The following SOS2 variants were observed in gnomAD, a reference collection of about 807,000 sequenced individuals.
SOS2 encodes the protein son of sevenless homolog 2.
A neutral mutation model predicts 148.2 loss-of-function variants in SOS2; 65 were observed. The observed-to-expected ratio is 0.44, with a 90% CI of 0.36 to 0.54. SOS2 has a LOEUF of 0.54. SOS2 is among the 20% of genes least tolerant of loss of function. The pLI is 0.00. For missense variants in SOS2, 1,341 were observed against 1,590.2 expected (o/e 0.84, Z 2.67); for synonymous variants, 539 against 537.1 (o/e 1.00, Z -0.05).
At chr14:50,155,671 C>A (rs527681470) in intron 12 of SOS2, among the ~76,000 whole-genome samples, 1 of 152,196 alleles carries the variant, frequency 6.6e-6, no homozygotes, top group South Asian at 2.1e-4. Flanking sequence ...CCCAAGAAAG[C>A]CACAATATCA....
intron 7 of SOS2, among the ~76,000 whole-genome samples, chr14:50,177,283 G>A (rs915529509): frequency 6.6e-6 from 1 of 152,088 alleles, no homozygotes; most frequent in South Asian, 2.1e-4. Flanking sequence ...CTGTGCCACT[G>A]CACTCCAGCC....
chr14:50,138,894 A>G (rs548214617), intron 17 of SOS2, 110 bp from the exon 18 acceptor site: 1 of 427,238 alleles, frequency 2.3e-6, no homozygotes, highest in Non-Finnish European at 4.1e-6. Flanking sequence ...ATCCTATACT[A>G]TTCAGCAACT....
In SOS2 at chr14:50,182,507, T is replaced by G. The variant is rs767256645; in HGVS notation, c.814A>C (p.Ser272Arg). Residue 272 changes from serine (S) to arginine (R), a missense_variant, in exon 6 of 23, where the codon AGT (serine) becomes CGT (arginine). Around this residue, in one of 4 missense-constraint regions of SOS2, gnomAD observed 574 missense variants for 711.1 expected, o/e 0.81. Coordinates refer to ENST00000216373, the MANE Select transcript of SOS2 (RefSeq NM_006939.4). ...EDTVEMTDESSPHPLAGSCFE... is the reference protein window; with the variant it reads ...EDTVEMTDESRPHPLAGSCFE... ...CAGCTGCCAGCTAAGGGATGAGGAC[T>G]GCTTTCATCAGTCATTTCAACTGTG... 2.5e-6 allele frequency: 4 copies of G among 1,613,908 alleles called. No individual in the cohort carries two copies. Among genetic ancestry groups the G allele is most frequent in the Non-Finnish European group, 3.4e-6 (4 of 1,179,776 alleles).
intron 12 of SOS2, among the ~76,000 whole-genome samples, chr14:50,154,347 C>G (rs1884750550): frequency 6.6e-6 from 1 of 152,182 alleles, no homozygotes; most frequent in Non-Finnish European, 1.5e-5. Context: ...GGCACAAAGA[C>G]TGACATTACT....
chr14:50,138,180 G>C (rs369094163), intron 18 of SOS2, among the ~76,000 whole-genome samples: 2 of 151,462 alleles, frequency 1.3e-5, no homozygotes, highest in African/African-American at 4.9e-5. Flanking sequence ...TTTTGAGACA[G>C]AAGTCTTACT....
chr14:50,199,587 A>G (rs1258507123), intron 4 of SOS2, 104 bp downstream of exon 4: 7 of 624,960 alleles, frequency 1.1e-5, no homozygotes, highest in Non-Finnish European at 1.8e-5. Flanking sequence ...TTCCAGTACT[A>G]GCAATTATAA....
chr14:50,194,041 G>A (rs1886240672), intron 4 of SOS2, among the ~76,000 whole-genome samples: 1 of 152,074 alleles, frequency 6.6e-6, no homozygotes, highest in South Asian at 2.1e-4. Flanking sequence ...CACCACGCCC[G>A]GCCAAGTCAT....
At position 50,209,321 on chromosome 14, in the gene SOS2, G is replaced by GTGTGTGTGTGTC. The variant is rs1179515891; in HGVS notation, c.88-4913_88-4912insGACACACACACA. Among the ~76,000 whole-genome samples, 909 of 141,766 alleles carry GTGTGTGTGTGTC rather than the reference G, an allele frequency of 6.4e-3. 17 individuals carry two copies. The highest frequency in any genetic ancestry group is 7.5e-3 in the Non-Finnish European group (493 of 65,640). 93.0% of individuals were successfully genotyped at this position (141,766 alleles called of 152,430 possible). A position where few individuals can be genotyped will look rare whatever the true frequency, so the allele number is the denominator to read the frequency against. On this transcript the variant is annotated intron_variant, in intron 1 of 22. Transcript: ENST00000216373. The stretch of plus-strand genomic sequence containing the variant: ...TGTGTGTGTGTGTGTGTGTGTGTGT[G>GTGTGTGTGTGTC]TCTCCTATTGGTTCTGCTTCTCTGA...
chr14:50,182,380 C>A, intron 6 of SOS2, 83 bp downstream of exon 6: 1 of 1,243,244 alleles, frequency 8.0e-7, no homozygotes, highest in Non-Finnish European at 1.2e-6. Context: ...CGGGGTCTCA[C>A]TATGTTGCCA....
chr14:50,163,963 A>G (rs139766246), intron 8 of SOS2, among the ~76,000 whole-genome samples: 420 of 152,320 alleles, frequency 2.8e-3, no homozygotes, highest in African/African-American at 9.7e-3. Context: ...AATTGAGGAT[A>G]TTTAGAGTGG....
At chr14:50,181,089 A>G (rs879706602) in intron 6 of SOS2, among the ~76,000 whole-genome samples, 2 of 152,200 alleles carry the variant, frequency 1.3e-5, no homozygotes, top group Non-Finnish European at 2.9e-5. Context: ...AGTGTTTCCA[A>G]GTTCTAAAAA....
intron 1 of SOS2, among the ~76,000 whole-genome samples, chr14:50,227,816 A>G (rs1287934293): frequency 2.0e-5 from 3 of 152,202 alleles, no homozygotes; most frequent in Admixed American, 2.0e-4. Flanking sequence ...GACTTTGTCA[A>G]ATACATATAT....
chr14:50,189,606 A>G (rs911350845), intron 4 of SOS2, among the ~76,000 whole-genome samples: 1 of 152,154 alleles, frequency 6.6e-6, no homozygotes, highest in Non-Finnish European at 1.5e-5. Flanking sequence ...TAAAAGGAGA[A>G]AAGTGAAATG....
chr14:50,130,137 A>G, intron 20 of SOS2, 135 bp from the exon 21 acceptor site: 1 of 615,262 alleles, frequency 1.6e-6, no homozygotes, highest in Non-Finnish European at 2.8e-6. Context: ...TTTTTTAAAA[A>G]ATTAACTCAG....
intron 11 of SOS2, among the ~76,000 whole-genome samples, chr14:50,158,062 G>A (rs189548892): frequency 5.3e-5 from 8 of 152,212 alleles, no homozygotes; most frequent in Non-Finnish European, 1.5e-5. Flanking sequence ...GGGGTGGGGT[G>A]TTTAAATTTG....
At chr14:50,218,408 A>C (rs1288733037) in intron 1 of SOS2, among the ~76,000 whole-genome samples, 1 of 151,920 alleles carries the variant, frequency 6.6e-6, no homozygotes, top group Non-Finnish European at 1.5e-5. Context: ...CTGCAATCCC[A>C]GCTACTTGGG....
At chr14:50,147,563 T>C (rs1884530197) in intron 14 of SOS2, among the ~76,000 whole-genome samples, 1 of 150,342 alleles carries the variant, frequency 6.7e-6, no homozygotes, top group Non-Finnish European at 1.5e-5. Flanking sequence ...ACGTTGTTTA[T>C]GAATCTCCGT....
chr14:50,203,506 T>C (rs1344682747), intron 2 of SOS2, among the ~76,000 whole-genome samples: 1 of 152,122 alleles, frequency 6.6e-6, no homozygotes. Flanking sequence ...AAACTCTCCC[T>C]AACAGATATT....
intron 21 of SOS2, among the ~76,000 whole-genome samples, chr14:50,121,124 T>C (rs1883491301): frequency 6.6e-6 from 1 of 152,142 alleles, no homozygotes; most frequent in Non-Finnish European, 1.5e-5. Context: ...TAAGGTAGTG[T>C]TATATCACAT....
Sources: allele counts gnomAD v4.1 joint callset (sites outside exome capture counted in the v4.1 genomes callset), GRCh38; gene constraint gnomAD v4.1.1; regional missense constraint gnomAD v4.1.1; transcripts MANE v1.5; gene names NCBI Gene and HGNC (gene_info 2026-07-23, HGNC 2026-07-21).